Variants in SPON1 observed in about 807,000 individuals in gnomAD.
The protein encoded by SPON1 is spondin-1.
Under a neutral mutation model 111.7 loss-of-function variants are expected in SPON1, and 52 were observed. The observed-to-expected ratio is 0.47, with a 90% CI of 0.37 to 0.59. The LOEUF is 0.59. Ranked by LOEUF, SPON1 falls within the 20% of genes least tolerant of loss-of-function variation. The probability of loss-of-function intolerance (pLI) is 0.00; values close to 1 mark genes in which losing one functional copy is unlikely to be tolerated. For synonymous variants in SPON1, 410 were observed against 395.8 expected, an observed-to-expected ratio of 1.04 and a Z score of -0.43; for missense variants, 957 against 1,068.5, an observed-to-expected ratio of 0.90 and a Z score of 1.46.
At chr11:13,963,373 C>G (rs1161707139) in intron 1 of SPON1, among the ~76,000 whole-genome samples, 1 of 152,192 alleles carries the variant, frequency 6.6e-6, no homozygotes, top group Non-Finnish European at 1.5e-5. Flanking sequence ...AGGCACCCCG[C>G]GTTTCCGACG....
At chr11:14,262,138 T>C (rs1453923162) in intron 14 of SPON1, among the ~76,000 whole-genome samples, 2 of 152,224 alleles carry the variant, frequency 1.3e-5, no homozygotes, top group Non-Finnish European at 2.9e-5. Flanking sequence ...GACCCTCTTC[T>C]CTACTGAATG....
At chr11:13,968,685 C>T (rs17462896) in intron 1 of SPON1, among the ~76,000 whole-genome samples, 2 of 151,970 alleles carry the variant, frequency 1.3e-5, no homozygotes, top group South Asian at 2.1e-4. Flanking sequence ...CCGTTACAGC[C>T]GAGGAGAACC....
chr11:14,191,609 G>A (rs782759103), intron 6 of SPON1, among the ~76,000 whole-genome samples: 1 of 152,192 alleles, frequency 6.6e-6, no homozygotes, highest in Non-Finnish European at 1.5e-5. Context: ...GCAGTTCACT[G>A]TTGCACACAG....
Position 14,092,530 on chromosome 11 carries a change from G to A in SPON1, c.676+12509G>A, listed in dbSNP as rs1189996036. On this transcript the variant is annotated intron_variant, in intron 5 of 15. Coordinates refer to ENST00000576479, the MANE Select transcript of SPON1 (RefSeq NM_006108.4). ...TCTCTGCAGGTGGGCCACATCTGCC[G>A]AGGCTCTTCTCAACCATTTTACAAA... Among the ~76,000 whole-genome samples the A allele has an allele frequency of 3.9e-5, 6 of 152,134 alleles. No homozygotes were observed. The East Asian group carries it at 7.7e-4, about 20-fold the overall frequency.
At chr11:14,099,135 T>C (rs1849124454) in intron 5 of SPON1, among the ~76,000 whole-genome samples, 1 of 152,228 alleles carries the variant, frequency 6.6e-6, no homozygotes, top group Admixed American at 6.5e-5. Context: ...GCTCTTTCTT[T>C]TATGTCAGTT....
At position 14,176,004 on chromosome 11, in the gene SPON1, A is replaced by G. The variant is rs181379997; in HGVS notation, c.825+40436A>G. 3.2e-4 allele frequency among the ~76,000 whole-genome samples: 48 copies of G among 152,220 alleles called. 1 individual carries two copies. The East Asian group carries it at 8.7e-3, about 28-fold the overall frequency. On this transcript the variant is annotated intron_variant, in intron 6 of 15. Coordinates refer to ENST00000576479, the MANE Select transcript of SPON1 (RefSeq NM_006108.4). ...CCTGGCAAAGCTCAAACTTTTTCCCATTGGTCCCTGTCATCTTTGATCTAC... is the reference window on the plus strand; with the variant it reads ...CCTGGCAAAGCTCAAACTTTTTCCCGTTGGTCCCTGTCATCTTTGATCTAC...
chr11:14,221,696 C>G (rs1554937612), intron 6 of SPON1, among the ~76,000 whole-genome samples: 1 of 152,216 alleles, frequency 6.6e-6, no homozygotes, highest in East Asian at 1.9e-4. Flanking sequence ...CCCTCCATCT[C>G]CTTCTTATCA....
At chr11:14,006,295 G>T (rs374393991) in intron 2 of SPON1, among the ~76,000 whole-genome samples, 1 of 151,942 alleles carries the variant, frequency 6.6e-6, no homozygotes, top group African/African-American at 2.4e-5. Flanking sequence ...ATTGTTTTTT[G>T]GTTTTTTTTG....
intron 2 of SPON1, among the ~76,000 whole-genome samples, chr11:13,998,659 G>T (rs982591348): frequency 6.6e-6 from 1 of 152,138 alleles, no homozygotes; most frequent in African/African-American, 2.4e-5. Context: ...GTATTCCTGT[G>T]GCCACCCCTG....
At chr11:14,261,996 TGGAATAATTTACCTCCCTG>T (rs1849189585) in intron 14 of SPON1, among the ~76,000 whole-genome samples, 2 of 152,168 alleles carry the variant, frequency 1.3e-5, no homozygotes, top group African/African-American at 2.4e-5. Context: ...ACAGAGAGCT[TGGAATAATTTACCTCCCTG>T]GGACACATCC....
At chr11:14,167,132 A>C (rs192448854) in intron 6 of SPON1, among the ~76,000 whole-genome samples, 3 of 152,146 alleles carry the variant, frequency 2.0e-5, no homozygotes, top group Non-Finnish European at 4.4e-5. Context: ...ATTTACATAA[A>C]TATAGACCAA....
chr11:14,198,068 AAC>A (rs782073129), intron 6 of SPON1, among the ~76,000 whole-genome samples: 2 of 152,240 alleles, frequency 1.3e-5, no homozygotes, highest in Non-Finnish European at 2.9e-5. Context: ...TTGTGTAATT[AAC>A]TACCCACACC....
intron 6 of SPON1, among the ~76,000 whole-genome samples, chr11:14,214,220 G>T (rs1270760817): frequency 6.6e-6 from 1 of 152,192 alleles, no homozygotes; most frequent in Non-Finnish European, 1.5e-5. Flanking sequence ...TCCTCTGCGC[G>T]TAGGGCCCCC....
intron 2 of SPON1, among the ~76,000 whole-genome samples, chr11:14,032,333 C>T (rs782471011): frequency 8.5e-5 from 13 of 152,122 alleles, no homozygotes; most frequent in Non-Finnish European, 1.5e-4. Context: ...CCTATGTTTT[C>T]TGATTTTCTA....
At chr11:14,066,353 A>G (rs1282227824) in intron 3 of SPON1, among the ~76,000 whole-genome samples, 1 of 152,204 alleles carries the variant, frequency 6.6e-6, no homozygotes, top group East Asian at 1.9e-4. Flanking sequence ...GATAATTTCA[A>G]CCAGAGGAAG....
chr11:14,156,575 T>A (rs556536161), intron 6 of SPON1, among the ~76,000 whole-genome samples: 103 of 151,956 alleles, frequency 6.8e-4, no homozygotes, highest in African/African-American at 2.2e-3. Context: ...TGCCCATGCC[T>A]ATCTCCTGAA....
At chr11:14,131,507 C>G (rs572855889) in intron 5 of SPON1, among the ~76,000 whole-genome samples, 1 of 152,286 alleles carries the variant, frequency 6.6e-6, no homozygotes, top group African/African-American at 2.4e-5. Context: ...CTCTAGGCAC[C>G]CTCCTTCCAA....
intron 6 of SPON1, among the ~76,000 whole-genome samples, chr11:14,153,641 C>T (rs2133869497): frequency 6.6e-6 from 1 of 152,232 alleles, no homozygotes; most frequent in Non-Finnish European, 1.5e-5. Context: ...TGCCCCTGGC[C>T]CCTTCGAAAT....
chr11:14,194,134 G>C (rs1848375859), intron 6 of SPON1, among the ~76,000 whole-genome samples: 1 of 152,124 alleles, frequency 6.6e-6, no homozygotes. Flanking sequence ...TTTGGTTCAG[G>C]ATAAAACTTC....
Sources: allele counts gnomAD v4.1 joint callset (sites outside exome capture counted in the v4.1 genomes callset), GRCh38; gene constraint gnomAD v4.1.1; transcripts MANE v1.5; gene names NCBI Gene and HGNC (gene_info 2026-07-23, HGNC 2026-07-21).